The following PKD2 variants were observed in gnomAD, a reference collection of about 807,000 sequenced individuals.
PKD2 encodes the protein polycystin 2, transient receptor potential cation channel.
A neutral mutation model predicts 105.9 loss-of-function variants in PKD2; 48 were observed. The observed-to-expected ratio is 0.45, with a 90% confidence interval of 0.36 to 0.58. PKD2 has a LOEUF of 0.58. Among genes scored for constraint, PKD2 ranks in the 20% least tolerant of loss-of-function variants. PKD2 has a pLI of 0.00. For synonymous variants in PKD2, 464 were observed against 481.1 expected (o/e 0.96, Z 0.46); for missense variants, 1,078 against 1,255.3 (o/e 0.86, Z 2.13).
chr4:88,036,113 T>A lies in PKD2; in HGVS notation c.710-107T>A, dbSNP rs976290996. 1.5e-5 allele frequency: 24 copies of A among 1,578,594 alleles called. No homozygotes were observed. The East Asian group carries it at 5.2e-4, about 34-fold the overall frequency. On this transcript the variant is annotated intron_variant, in intron 2 of 14. Coordinates refer to ENST00000237596, the MANE Select transcript of PKD2 (RefSeq NM_000297.4). ...GGGTGAGAGAAGACCTTGTGTGAAT[T>A]TGTCCAAAATGTTTATCCACAGGAA...
chr4:88,057,072 C>G (rs950384107), intron 8 of PKD2, among the ~76,000 whole-genome samples: 1 of 152,062 alleles, frequency 6.6e-6, no homozygotes, highest in Non-Finnish European at 1.5e-5. Flanking sequence ...TCACTGCAGC[C>G]TTGAACTCCT....
intron 2 of PKD2, among the ~76,000 whole-genome samples, chr4:88,025,994 A>C (rs1188859960): frequency 6.6e-6 from 1 of 152,120 alleles, no homozygotes; most frequent in Non-Finnish European, 1.5e-5. Flanking sequence ...TAAATTACCG[A>C]GTCTCAGGCA....
chr4:88,008,255 G>T lies in PKD2; in HGVS notation c.522G>T (p.Leu174=). The T allele has an allele frequency of 6.8e-7, 1 of 1,463,740 alleles. No individual in the cohort carries two copies. The highest frequency in any genetic ancestry group is 9.0e-7 in the Non-Finnish European group (1 of 1,112,264). 90.7% of individuals were successfully genotyped at this position (1,463,740 alleles called of 1,614,324 possible). Residue 174 remains leucine, a synonymous_variant, in exon 1 of 15, where the codon CTG becomes CTT. Transcript: ENST00000237596. The part of the protein sequence containing the change: ...CPSPVGGGDP[L]HRHLPLEGQP... ...GCCCAGTCGGCGGCGGGGACCCGCT[G>T]CATCGCCACCTCCCCCTGGAAGGGC... is the stretch of plus-strand genomic sequence containing the variant.
In PKD2 at chr4:88,032,422, C is replaced by T. The variant is rs931173949; in HGVS notation, c.710-3798C>T. ...CTCACACCTGTAATCTCAGCACTTT[C>T]GGAGGCCGAGGTGGGCAGATCGTTT... On this transcript the variant is annotated intron_variant, in intron 2 of 14. Transcript: ENST00000237596. Among the ~76,000 whole-genome samples the T allele has an allele frequency of 2.0e-5, 3 of 152,222 alleles. 1 individual carries two copies. The South Asian group carries it at 6.2e-4, about 32-fold the overall frequency.
chr4:88,022,215 G>C (rs1473860416), intron 2 of PKD2, among the ~76,000 whole-genome samples: 2 of 152,154 alleles, frequency 1.3e-5, no homozygotes, highest in African/African-American at 4.8e-5. Flanking sequence ...ATCTTGTTAG[G>C]ATCTGCCCAT....
chr4:88,046,868 G>T lies in PKD2; in HGVS notation c.1546G>T (p.Val516Leu), dbSNP rs143581690. 3.1e-4 allele frequency: 494 copies of T among 1,587,502 alleles called. 1 individual carries two copies. The East Asian group carries it at 8.3e-3, about 27-fold the overall frequency. The change falls in exon 6 of 15, where the codon GTG becomes TTG. Residue 516 changes from valine (V) to leucine (L), a missense_variant and splice_region_variant. Physicochemically the swap from Val to Leu is conservative, Grantham distance 32. Around this residue, in one of 2 missense-constraint regions of PKD2, gnomAD observed 868 missense variants for 1,067.3 expected, o/e 0.81. Transcript: ENST00000237596. ...GAATTGTCTGGATGTTGTGATCGTT[G>T]TGGTAGGTTTGAGAACAACACCAAA... ...FWNCLDVVIV[V>L]LSVVAIGINI...
At chr4:88,058,522 A>G (rs1720446120) in intron 9 of PKD2, among the ~76,000 whole-genome samples, 1 of 152,170 alleles carries the variant, frequency 6.6e-6, no homozygotes, top group Non-Finnish European at 1.5e-5. Flanking sequence ...GTCACTTGCT[A>G]GCATGACTTT....
At position 88,032,811 on chromosome 4, in the gene PKD2, C is replaced by G. The variant is rs1481805364; in HGVS notation, c.710-3409C>G. On this transcript the variant is annotated intron_variant, in intron 2 of 14. Coordinates refer to ENST00000237596, the MANE Select transcript of PKD2 (RefSeq NM_000297.4). ...GTGCAGATGTCTTCACATATATTTC[C>G]CCATTTGAGCTTTACAAAAGCCCTT... Among the ~76,000 whole-genome samples the G allele has an allele frequency of 2.6e-5, 4 of 152,212 alleles. No homozygotes were observed. In the East Asian group the frequency reaches 7.7e-4, roughly 29 times the overall value.
At chr4:88,025,879 G>A (rs1453995666) in intron 2 of PKD2, among the ~76,000 whole-genome samples, 1 of 152,114 alleles carries the variant, frequency 6.6e-6, no homozygotes, top group African/African-American at 2.4e-5. Flanking sequence ...CTGCTGCCTT[G>A]TGAAGAAGGT....
chr4:88,012,894 AT>A (rs571823523), intron 1 of PKD2, among the ~76,000 whole-genome samples: 29 of 152,190 alleles, frequency 1.9e-4, no homozygotes, highest in African/African-American at 6.3e-4. Context: ...ATGCGTGCAA[AT>A]TCCCTTCTTT....
intron 6 of PKD2, among the ~76,000 whole-genome samples, chr4:88,050,907 A>G (rs1430120540): frequency 2.0e-5 from 3 of 152,126 alleles, no homozygotes; most frequent in Non-Finnish European, 2.9e-5. Flanking sequence ...CAGTGGGACC[A>G]TGATCTCTAT....
At chr4:88,030,942 G>T (rs777357768) in intron 2 of PKD2, among the ~76,000 whole-genome samples, 6 of 152,154 alleles carry the variant, frequency 3.9e-5, no homozygotes, top group Non-Finnish European at 8.8e-5. Context: ...CCTTGATTTG[G>T]GTATAGTGCT....
chr4:88,014,025 G>T (rs993339280), intron 1 of PKD2, among the ~76,000 whole-genome samples: 1 of 152,134 alleles, frequency 6.6e-6, no homozygotes, highest in Non-Finnish European at 1.5e-5. Context: ...GACAGACTAG[G>T]TCAGGAGAGG....
At chr4:88,046,979 A>G (rs1454277174) in intron 6 of PKD2, 109 bp downstream of exon 6, 9 of 766,360 alleles carry the variant, frequency 1.2e-5, no homozygotes, top group Non-Finnish European at 1.9e-5. Context: ...AAAAGAATCT[A>G]AAAGTCCCCC....
intron 3 of PKD2, among the ~76,000 whole-genome samples, chr4:88,037,176 A>G (rs1023107696): frequency 2.0e-5 from 3 of 152,138 alleles, no homozygotes; most frequent in Admixed American, 6.5e-5. Flanking sequence ...TCAAGGCTGC[A>G]GTGAGCCATG....
chr4:88,021,987 T>C (rs776878768), intron 2 of PKD2, among the ~76,000 whole-genome samples: 1 of 152,174 alleles, frequency 6.6e-6, no homozygotes, highest in African/African-American at 2.4e-5. Context: ...AGAAAGCACA[T>C]GAGCCTCACC....
At chr4:88,029,438 C>T (rs2110098428) in intron 2 of PKD2, among the ~76,000 whole-genome samples, 1 of 152,242 alleles carries the variant, frequency 6.6e-6, no homozygotes, top group Non-Finnish European at 1.5e-5. Flanking sequence ...AGGCCTCTCT[C>T]ATTGGTAACA....
At chr4:88,012,038 A>G (rs1299651896) in intron 1 of PKD2, among the ~76,000 whole-genome samples, 1 of 152,118 alleles carries the variant, frequency 6.6e-6, no homozygotes, top group African/African-American at 2.4e-5. Context: ...TGCACAGTAC[A>G]GCCACCCCAC....
At chr4:88,038,616 G>C in intron 4 of PKD2, 115 bp downstream of exon 4, 7 of 1,071,138 alleles carry the variant, frequency 6.5e-6, no homozygotes, top group Non-Finnish European at 1.0e-5. Flanking sequence ...TAAGTTCAGT[G>C]ACTCTTCAGT....
Sources: gnomAD v4.1 joint callset for allele counts (sites outside exome capture counted in the v4.1 genomes callset) on GRCh38, gnomAD v4.1.1 for gene constraint, gnomAD v4.1.1 regional missense constraint, MANE v1.5 for transcripts, NCBI Gene and HGNC (gene_info 2026-07-23, HGNC 2026-07-21) for gene names.